DHX9: variants seen among roughly 807,000 people sequenced by gnomAD.
DHX9 encodes ATP-dependent RNA helicase A.
Under a neutral mutation model 148.7 loss-of-function variants are expected in DHX9, and 27 were observed. The ratio of observed to expected loss-of-function variants is 0.18; its 90% CI spans 0.13 to 0.25. The LOEUF (loss-of-function observed/expected upper bound fraction) is 0.25, where lower values mean the gene tolerates loss of function less well. Among genes scored for constraint, DHX9 ranks in the 10% least tolerant of loss-of-function variants. The pLI, the probability that DHX9 is intolerant of heterozygous loss-of-function variation, is 1.00. For synonymous variants in DHX9, 529 were observed against 516.6 expected (o/e 1.02, Z -0.33); for missense variants, 796 against 1,559.6 (o/e 0.51, Z 8.25).
chr1:182,845,088 A>AT (rs1473264913), intron 3 of DHX9, among the ~76,000 whole-genome samples: 1 of 152,236 alleles, frequency 6.6e-6, no homozygotes, highest in African/African-American at 2.4e-5. Flanking sequence ...AGAACTCGAT[A>AT]GACTTACTTT....
At chr1:182,846,330 G>A (rs1421434891) in intron 3 of DHX9, among the ~76,000 whole-genome samples, 7 of 151,460 alleles carry the variant, frequency 4.6e-5, no homozygotes, top group Admixed American at 1.3e-4. Flanking sequence ...CTTTGCCTCC[G>A]GGTTCAAGCG....
At chr1:182,878,753 G>A (rs370472133) in intron 20 of DHX9, among the ~76,000 whole-genome samples, 7 of 152,120 alleles carry the variant, frequency 4.6e-5, no homozygotes, top group Non-Finnish European at 1.0e-4. Flanking sequence ...AATCCAAAAC[G>A]CTCTAATGAG....
intron 1 of DHX9, among the ~76,000 whole-genome samples, chr1:182,841,076 G>A (rs949990994): frequency 6.6e-6 from 1 of 152,102 alleles, no homozygotes; most frequent in Non-Finnish European, 1.5e-5. Context: ...CCGATCAAGA[G>A]GTCAGGAGAT....
intron 22 of DHX9, 95 bp from the exon 23 acceptor site, chr1:182,881,169 C>A: frequency 8.0e-7 from 1 of 1,246,644 alleles, no homozygotes; most frequent in Admixed American, 2.4e-5. Flanking sequence ...GAATCATAGC[C>A]ATAAAGACTG....
At chr1:182,850,288 G>C (rs1668112886) in intron 3 of DHX9, among the ~76,000 whole-genome samples, 1 of 152,004 alleles carries the variant, frequency 6.6e-6, no homozygotes, top group African/African-American at 2.4e-5. Flanking sequence ...TGGTGACAGA[G>C]CCAGACCCTG....
intron 6 of DHX9, among the ~76,000 whole-genome samples, chr1:182,854,395 G>T (rs1015947806): frequency 6.6e-6 from 1 of 152,178 alleles, no homozygotes; most frequent in Non-Finnish European, 1.5e-5. Flanking sequence ...GAAGTTCAGC[G>T]TAAATCTTTT....
rs745969341 is a variant in DHX9, at chr1:182,887,054, C to T, written c.3462-29C>T. ...GTTGGGAAATAATAAGAATGCTTTGCTAAAGTGATGGTTTTGTGCTTTTCC... is the reference window on the plus strand; with the variant it reads ...GTTGGGAAATAATAAGAATGCTTTGTTAAAGTGATGGTTTTGTGCTTTTCC... On this transcript the variant is annotated intron_variant, in intron 27 of 27. Coordinates refer to ENST00000367549, the MANE Select transcript of DHX9 (RefSeq NM_001357.5). 7 of 1,592,742 alleles carry T rather than the reference C, an allele frequency of 4.4e-6. No individual in the cohort carries two copies. The Admixed American group carries it at 1.2e-4, about 27-fold the overall frequency.
chr1:182,887,483 A>G lies in DHX9; in HGVS notation c.*49A>G. 1 of 1,506,076 alleles carries G rather than the reference A, an allele frequency of 6.6e-7. No homozygotes were observed. The highest frequency in any genetic ancestry group is 9.1e-7 in the Non-Finnish European group (1 of 1,104,452). 93.3% of individuals were successfully genotyped at this position (1,506,076 alleles called of 1,614,324 possible). A position where few individuals can be genotyped will look rare whatever the true frequency, so the allele number is the denominator to read the frequency against. On this transcript the variant is annotated 3_prime_UTR_variant, in exon 28 of 28. Coordinates refer to ENST00000367549, the MANE Select transcript of DHX9 (RefSeq NM_001357.5). ...GTGTAGACAGTAAGGAAAAAAAGGC[A>G]TGCTATGTGTTACGTGTTTTTTCCA...
rs192158905 is a variant in DHX9 at position 182,881,121 on chromosome 1, A to G, written c.2625-143A>G. The G allele has an allele frequency of 4.0e-6, 3 of 750,636 alleles. No homozygotes were observed. The East Asian group carries it at 8.1e-5, about 20-fold the overall frequency. 46.5% of individuals were successfully genotyped at this position (750,636 alleles called of 1,614,324 possible). On this transcript the variant is annotated intron_variant, in intron 22 of 27. Coordinates refer to ENST00000367549, the MANE Select transcript of DHX9 (RefSeq NM_001357.5). ...CTGATTCTGAAGAGAGCAGCTATAA[A>G]GTTCTTTGTTAAGCCAGTTTCATTG...
At position 182,878,045 on chromosome 1, in the gene DHX9, T is replaced by C. The variant is rs775587903; in HGVS notation, c.2223T>C (p.Ala741=). 1.2e-6 allele frequency: 2 copies of C among 1,614,190 alleles called. No individual in the cohort carries two copies. The highest frequency in any genetic ancestry group is 1.1e-5 in the South Asian group (1 of 91,086). The part of the protein sequence containing the change: ...SCKQKVKLFT[A]HNNMTNYATV... ...GGCAGAAAGTGAAACTCTTCACTGCTCACAACAATATGACCAACTATGCTA... is the reference window on the plus strand; with the variant it reads ...GGCAGAAAGTGAAACTCTTCACTGCCCACAACAATATGACCAACTATGCTA... Residue 741 remains alanine (A), a synonymous_variant, in exon 20 of 28, where the codon GCT becomes GCC. Coordinates refer to ENST00000367549, the MANE Select transcript of DHX9 (RefSeq NM_001357.5).
chr1:182,856,806 GAC>G (rs1190771383), intron 7 of DHX9, among the ~76,000 whole-genome samples: 10 of 152,192 alleles, frequency 6.6e-5, no homozygotes, highest in African/African-American at 2.4e-4. Flanking sequence ...TCAAAGGTAA[GAC>G]ACAGTGGGAT....
chr1:182,886,217 A>T (rs1649320418), intron 27 of DHX9, among the ~76,000 whole-genome samples: 1 of 148,040 alleles, frequency 6.8e-6, no homozygotes, highest in Non-Finnish European at 1.5e-5. Flanking sequence ...TTATTTTGAG[A>T]GTCAGTTTTG....
intron 7 of DHX9, among the ~76,000 whole-genome samples, chr1:182,857,080 C>G (rs73063093): frequency 0.019 from 2,916 of 152,288 alleles, 105 homozygotes; most frequent in African/African-American, 0.067. Context: ...ATCTCCTGAC[C>G]TAGTGATCTG....
chr1:182,843,585 G>A (rs2102586960), intron 3 of DHX9, 151 bp downstream of exon 3: 1 of 757,664 alleles, frequency 1.3e-6, no homozygotes, highest in South Asian at 2.5e-5. Context: ...CTCAGCACTG[G>A]ACAAAATTTC....
intron 3 of DHX9, among the ~76,000 whole-genome samples, chr1:182,845,100 C>T (rs554351256): frequency 2.9e-4 from 44 of 152,274 alleles, no homozygotes; most frequent in Non-Finnish European, 5.3e-4. Flanking sequence ...ACTTACTTTC[C>T]GGTAGATTAA....
chr1:182,878,635 T>A (rs1390999255), intron 20 of DHX9, among the ~76,000 whole-genome samples: 1 of 152,216 alleles, frequency 6.6e-6, no homozygotes, highest in African/African-American at 2.4e-5. Context: ...AGGTCAGATA[T>A]CTCTTTTAAA....
chr1:182,853,287 AT>A lies in DHX9; in HGVS notation c.365-11del, dbSNP rs763016399. Reference sequence around the variant, plus strand: ...TCTACAGTTATGACTCATTAAGAGAATTTTTTTTCTTTTAACAGAAAATAAT... The same window carrying A: ...TCTACAGTTATGACTCATTAAGAGAATTTTTTTCTTTTAACAGAAAATAAT... On this transcript the variant is annotated intron_variant, in intron 4 of 27. Coordinates refer to ENST00000367549, the MANE Select transcript of DHX9 (RefSeq NM_001357.5). 12 of 1,563,098 alleles carry A rather than the reference AT, an allele frequency of 7.7e-6. No individual in the cohort carries two copies. Among genetic ancestry groups the A allele is most frequent in the Non-Finnish European group, 1.1e-5 (12 of 1,141,156 alleles).
intron 12 of DHX9, chr1:182,860,390 A>T (rs1446386747): frequency 2.9e-6 from 1 of 343,006 alleles, no homozygotes; most frequent in East Asian, 5.0e-5. Flanking sequence ...TATGTGAGGG[A>T]TTCTTTTTAT....
rs1648835943 is a variant in DHX9, at chr1:182,877,071, A to G, written c.2198+168A>G. The G allele has an allele frequency of 5.9e-6, 3 of 510,452 alleles. No homozygotes were observed. In the South Asian group the frequency reaches 9.0e-5, roughly 15 times the overall value. 31.6% of individuals were successfully genotyped at this position (510,452 alleles called of 1,614,324 possible). A position where few individuals can be genotyped will look rare whatever the true frequency, so the allele number is the denominator to read the frequency against. The stretch of plus-strand genomic sequence containing the variant: ...AGGTAATTGATAATTAAGAGTAATT[A>G]TTGTTGATTACTGCAAATCAGTTAC... On this transcript the variant is annotated intron_variant, in intron 19 of 27. Coordinates refer to ENST00000367549, the MANE Select transcript of DHX9 (RefSeq NM_001357.5).
Sources: allele counts gnomAD v4.1 joint callset (sites outside exome capture counted in the v4.1 genomes callset), GRCh38; gene constraint gnomAD v4.1.1; transcripts MANE v1.5; gene names NCBI Gene and HGNC (gene_info 2026-07-23, HGNC 2026-07-21).